ZDHHC23: variants seen among roughly 807,000 people sequenced by gnomAD.
ZDHHC23 encodes palmitoyltransferase ZDHHC23.
ZDHHC23 carries 41 observed loss-of-function variants against 40.2 expected under a neutral mutation model. The observed-to-expected ratio is 1.02, with a 90% CI of 0.79 to 1.32. ZDHHC23 has a LOEUF of 1.32. Among genes scored for constraint, ZDHHC23 ranks in the 40% most tolerant of loss-of-function variants. ZDHHC23 has a pLI of 0.00. For missense variants in ZDHHC23, 471 were observed against 541.5 expected, an observed-to-expected ratio of 0.87 and a Z score of 1.29; for synonymous variants, 204 against 210.2, an observed-to-expected ratio of 0.97 and a Z score of 0.26.
At chr3:113,957,019 TTC>T (rs781071134) in intron 4 of ZDHHC23, among the ~76,000 whole-genome samples, 7 of 152,226 alleles carry the variant, frequency 4.6e-5, no homozygotes, top group Non-Finnish European at 8.8e-5. Context: ...CTGTTCTACT[TTC>T]TTTCTTTTTT....
At position 113,954,061 on chromosome 3, in the gene ZDHHC23, AC is replaced by A; in HGVS notation, c.525del (p.Cys176AlafsTer5). The stretch of plus-strand genomic sequence containing the variant: ...GGGTCCCGTTCAGCTGGCGGTTCTT[AC>A]CTGCGGGTTATTTCTGATACTCTTA... ...RVGPVQLAVLTCGLFLILLAL... is the reference protein window; with the variant it reads ...RVGPVQLAVLXCGLFLILLAL... On this transcript the variant is annotated frameshift_variant, in exon 3 of 5. Transcript: ENST00000638807. LOFTEE classifies it high-confidence loss of function. 1 of 1,614,064 alleles carries A rather than the reference AC, an allele frequency of 6.2e-7. No homozygotes were observed. The highest frequency in any genetic ancestry group is 8.5e-7 in the Non-Finnish European group (1 of 1,180,010).
the ZDHHC23 span, chr3:113,978,737 T>TTGAC: frequency 9.8e-7 from 1 of 1,019,498 alleles, no homozygotes; most frequent in South Asian, 1.6e-5. Context: ...GTGAATGGGA[T>TTGAC]TGACTACTCT....
chr3:113,957,717 G>A (rs1445507280), intron 4 of ZDHHC23: 1 of 518,182 alleles, frequency 1.9e-6, no homozygotes, highest in Non-Finnish European at 3.9e-6. Flanking sequence ...TGCGAATGTT[G>A]GAAAATCATC....
chr3:113,950,525 A>G (rs1484433623), intron 2 of ZDHHC23, among the ~76,000 whole-genome samples: 1 of 152,114 alleles, frequency 6.6e-6, no homozygotes, highest in African/African-American at 2.4e-5. Flanking sequence ...TCATGACCTA[A>G]TCACCTCCTT....
intron 2 of ZDHHC23, among the ~76,000 whole-genome samples, chr3:113,950,105 C>T (rs575608464): frequency 7.9e-5 from 12 of 152,196 alleles, no homozygotes; most frequent in Non-Finnish European, 1.3e-4. Flanking sequence ...GAGGCATCTC[C>T]TCTGCTCTCT....
At chr3:113,951,221 T>C (rs1198860346) in intron 2 of ZDHHC23, among the ~76,000 whole-genome samples, 1 of 152,144 alleles carries the variant, frequency 6.6e-6, no homozygotes, top group East Asian at 1.9e-4. Context: ...GGGGTCTCTC[T>C]GTAGTGGCCC....
rs1274581237 is a variant in ZDHHC23, at chr3:113,961,948, G to A, written c.*3318G>A. The stretch of plus-strand genomic sequence containing the variant: ...CTAGAAGCACAGTTTTAGCCAGGAT[G>A]TTTAAAAATTACAGTTTTGTGAGAC... On this transcript the variant is annotated 3_prime_UTR_variant, in exon 5 of 5. Coordinates refer to ENST00000638807, the MANE Select transcript of ZDHHC23 (RefSeq NM_001320466.2). The A allele has an allele frequency of 6.6e-6, 1 of 152,594 alleles. No homozygotes were observed. The highest frequency in any genetic ancestry group is 2.4e-5 in the African/African-American group (1 of 41,432). The allele number at this position is 152,594 out of a possible 1,614,324, so 9.5% of individuals were successfully genotyped here.
At position 113,948,825 on chromosome 3, in the gene ZDHHC23, A is replaced by G; in HGVS notation, c.23A>G (p.Lys8Arg). 6.2e-7 allele frequency: 1 copy of G among 1,614,164 alleles called. No individual in the cohort carries two copies. The highest frequency in any genetic ancestry group is 1.1e-5 in the South Asian group (1 of 91,042). Reference sequence around the variant, plus strand: ...ATCATGACACAGAAGGGCAGTATGAAGCCTGTGAAGAAAAAGAAAACCGAA... The same window carrying G: ...ATCATGACACAGAAGGGCAGTATGAGGCCTGTGAAGAAAAAGAAAACCGAA... MTQKGSM[K>R]PVKKKKTEEP... Residue 8 changes from lysine to arginine, a missense_variant, in exon 2 of 5, where the codon AAG (lysine) becomes AGG (arginine). By Grantham distance (26) the Lys-to-Arg change is conservative. This residue lies in a region of ZDHHC23 where 83 missense variants were observed against 67.8 expected (regional missense o/e 1.22). Coordinates refer to ENST00000638807, the MANE Select transcript of ZDHHC23 (RefSeq NM_001320466.2).
In ZDHHC23 at chr3:113,958,665, C is replaced by G. The variant is rs919578158; in HGVS notation, c.*35C>G. ...TATGTGGCTCTCTGAGGGATGATGGCTCCTCCTTCCGTCTCCCTTCCATTT... is the reference window on the plus strand; with the variant it reads ...TATGTGGCTCTCTGAGGGATGATGGGTCCTCCTTCCGTCTCCCTTCCATTT... On this transcript the variant is annotated 3_prime_UTR_variant, in exon 5 of 5. Transcript: ENST00000638807. The G allele has an allele frequency of 3.1e-5, 49 of 1,593,148 alleles. No homozygotes were observed. The highest frequency in any genetic ancestry group is 4.1e-5 in the Non-Finnish European group (48 of 1,177,298).
In ZDHHC23 at chr3:113,948,687, C is replaced by A; in HGVS notation, c.-116C>A. On this transcript the variant is annotated splice_region_variant and 5_prime_UTR_variant, in exon 2 of 5. Coordinates refer to ENST00000638807, the MANE Select transcript of ZDHHC23 (RefSeq NM_001320466.2). Reference sequence around the variant, plus strand: ...CTCTTCTCATTTTTGATTGCTCAGGCGTTGGAGGTTAAGCAGAGAGAGAGA... The same window carrying A: ...CTCTTCTCATTTTTGATTGCTCAGGAGTTGGAGGTTAAGCAGAGAGAGAGA... 3 of 1,232,640 alleles carry A rather than the reference C, an allele frequency of 2.4e-6. No individual in the cohort carries two copies. The highest frequency in any genetic ancestry group is 3.4e-6 in the Non-Finnish European group (3 of 880,598). 76.4% of individuals were successfully genotyped at this position (1,232,640 alleles called of 1,614,324 possible).
chr3:113,967,099 CAAAAAAAG>C (rs55673182), downstream of ZDHHC23, among the ~76,000 whole-genome samples: 54,162 of 150,132 alleles, frequency 0.36, 10,988 homozygotes, highest in Admixed American at 0.48. Context: ...ACTCTTGTCT[CAAAAAAAG>C]AAAAAAAGAA....
At position 113,960,728 on chromosome 3, in the gene ZDHHC23, G is replaced by C; in HGVS notation, c.*2098G>C. 6.3e-7 allele frequency: 1 copy of C among 1,586,760 alleles called. No individual in the cohort carries two copies. On this transcript the variant is annotated 3_prime_UTR_variant, in exon 5 of 5. Transcript: ENST00000638807. The stretch of plus-strand genomic sequence containing the variant: ...CAACTTACCTCTAATAGGGTTACTT[G>C]GATGAGCCAACTCCGCTTCCTTCCC...
At chr3:113,951,950 C>T (rs1393917399) in intron 2 of ZDHHC23, among the ~76,000 whole-genome samples, 1 of 152,100 alleles carries the variant, frequency 6.6e-6, no homozygotes, top group African/African-American at 2.4e-5. Flanking sequence ...CCAGCCTGAA[C>T]GACATGGAGA....
chr3:113,972,499 T>C, the ZDHHC23 span, among the ~76,000 whole-genome samples: 1 of 152,132 alleles, frequency 6.6e-6, no homozygotes, highest in Non-Finnish European at 1.5e-5. Flanking sequence ...TAAGATATGG[T>C]CTTATTATGG....
the ZDHHC23 span, chr3:113,978,270 ATCT>A: frequency 1.2e-6 from 2 of 1,614,050 alleles, no homozygotes; most frequent in Admixed American, 1.7e-5. Flanking sequence ...GGCCCTGAAA[ATCT>A]TCTTTTGAAG....
chr3:113,948,916 G>A lies in ZDHHC23; in HGVS notation c.114G>A (p.Val38=). Residue 38 remains valine (V), a synonymous_variant, in exon 2 of 5, where the codon GTG becomes GTA. Transcript: ENST00000638807. ...YIDRNGEKNH[V]ATCLCDCQDL... Reference sequence around the variant, plus strand: ...ATCGGAATGGGGAAAAGAACCACGTGGCTACTTGTTTGTGTGATTGTCAAG... The same window carrying A: ...ATCGGAATGGGGAAAAGAACCACGTAGCTACTTGTTTGTGTGATTGTCAAG... The A allele has an allele frequency of 6.2e-7, 1 of 1,614,210 alleles. No homozygotes were observed. Among genetic ancestry groups the A allele is most frequent in the Non-Finnish European group, 8.5e-7 (1 of 1,180,050 alleles).
chr3:113,959,629 C>A lies in ZDHHC23; in HGVS notation c.*999C>A, dbSNP rs74354871. The A allele has an allele frequency of 8.5e-7, 1 of 1,172,766 alleles. No individual in the cohort carries two copies. Among genetic ancestry groups the A allele is most frequent in the Non-Finnish European group, 1.1e-6 (1 of 911,100 alleles). 72.6% of individuals were successfully genotyped at this position (1,172,766 alleles called of 1,614,324 possible). ...GGAAGGCTGAGTAACATCACGGGCT[C>A]GATTATTTTCTTCATGTATTTCAAA... On this transcript the variant is annotated 3_prime_UTR_variant, in exon 5 of 5. Transcript: ENST00000638807.
At chr3:113,957,113 T>C (rs899101835) in intron 4 of ZDHHC23, among the ~76,000 whole-genome samples, 7 of 152,224 alleles carry the variant, frequency 4.6e-5, no homozygotes, top group African/African-American at 1.7e-4. Context: ...TTCCAGGCCA[T>C]GGCAAAATTT....
intron 2 of ZDHHC23, among the ~76,000 whole-genome samples, chr3:113,949,824 C>G (rs1051428762): frequency 6.6e-6 from 1 of 152,156 alleles, no homozygotes; most frequent in African/African-American, 2.4e-5. Flanking sequence ...CTGGGGTCTG[C>G]AGTCTAGTAC....
Sources: gnomAD v4.1 joint callset for allele counts (sites outside exome capture counted in the v4.1 genomes callset) on GRCh38, gnomAD v4.1.1 for gene constraint, gnomAD v4.1.1 regional missense constraint, MANE v1.5 for transcripts, NCBI Gene and HGNC (gene_info 2026-07-23, HGNC 2026-07-21) for gene names.